Variants in MEGF11 observed in about 807,000 individuals in gnomAD.
The protein encoded by MEGF11 is multiple epidermal growth factor-like domains protein 11.
MEGF11 carries 126 observed loss-of-function variants against 146.6 expected under a neutral mutation model. That is an observed-to-expected ratio of 0.86 (90% CI 0.74 to 1.00). MEGF11 has a LOEUF of 1.00. MEGF11 is among the 50% of genes least tolerant of loss of function. The pLI is 0.00. For synonymous variants in MEGF11, 532 were observed against 583.4 expected (o/e 0.91, Z 1.27); for missense variants, 1,509 against 1,521.2 (o/e 0.99, Z 0.13).
At chr15:65,965,735 T>C (rs2141574656) in intron 8 of MEGF11, among the ~76,000 whole-genome samples, 2 of 151,584 alleles carry the variant, frequency 1.3e-5, no homozygotes. Flanking sequence ...CCCTTGATCT[T>C]GAACTTCTCA....
intron 1 of MEGF11, among the ~76,000 whole-genome samples, chr15:66,248,895 C>G (rs1316837891): frequency 6.6e-6 from 1 of 152,206 alleles, no homozygotes; most frequent in Non-Finnish European, 1.5e-5. Context: ...GCTATAAAAA[C>G]ATGGATTTTT....
chr15:66,062,175 C>G (rs1567223428), intron 5 of MEGF11, among the ~76,000 whole-genome samples: 1 of 152,222 alleles, frequency 6.6e-6, no homozygotes, highest in Non-Finnish European at 1.5e-5. Context: ...TTTCCAGGCA[C>G]AGAGAGCAGC....
chr15:65,969,157 A>G (rs1014832737), intron 8 of MEGF11, among the ~76,000 whole-genome samples: 2 of 152,196 alleles, frequency 1.3e-5, no homozygotes, highest in African/African-American at 4.8e-5. Flanking sequence ...GCACATCTCG[A>G]CAGGGAAAAT....
At chr15:65,907,286 GCTATTTTT>G (rs2078657981) in intron 23 of MEGF11, among the ~76,000 whole-genome samples, 4 of 151,328 alleles carry the variant, frequency 2.6e-5, no homozygotes, top group Admixed American at 2.6e-4. Flanking sequence ...TTTTAAGTTT[GCTATTTTT>G]CTTTTTTTCT....
chr15:65,954,544 C>G (rs977663154), intron 10 of MEGF11, among the ~76,000 whole-genome samples: 1 of 152,114 alleles, frequency 6.6e-6, no homozygotes, highest in Non-Finnish European at 1.5e-5. Context: ...CCAGGAATAA[C>G]GAGGCTGGGT....
intron 7 of MEGF11, chr15:65,970,900 G>T: frequency 3.4e-6 from 2 of 594,412 alleles, no homozygotes; most frequent in South Asian, 4.0e-5. Context: ...CACAATTTAG[G>T]AACTGCCTAT....
At chr15:66,133,195 C>A (rs945255084) in intron 1 of MEGF11, among the ~76,000 whole-genome samples, 3 of 151,464 alleles carry the variant, frequency 2.0e-5, no homozygotes, top group Non-Finnish European at 4.4e-5. Flanking sequence ...CCAGGACATC[C>A]TGAGAGCAAT....
At chr15:65,954,231 G>A (rs958829421) in intron 10 of MEGF11, among the ~76,000 whole-genome samples, 12 of 152,142 alleles carry the variant, frequency 7.9e-5, no homozygotes, top group African/African-American at 2.2e-4. Context: ...GGATAAAGGC[G>A]CGTACATACA....
chr15:65,920,134 T>C (rs1567157420), intron 15 of MEGF11, among the ~76,000 whole-genome samples: 1 of 152,268 alleles, frequency 6.6e-6, no homozygotes, highest in South Asian at 2.1e-4. Context: ...TACTGCTTGC[T>C]GGCTAAGTGC....
intron 1 of MEGF11, among the ~76,000 whole-genome samples, chr15:66,251,059 G>C (rs1002486402): frequency 6.6e-6 from 1 of 152,174 alleles, no homozygotes; most frequent in Non-Finnish European, 1.5e-5. Context: ...CTTGCCGGCC[G>C]ATTGCTCACC....
At position 66,138,887 on chromosome 15, in the gene MEGF11, A is replaced by C. The variant is rs550727277; in HGVS notation, c.-8-10476T>G. 5.9e-5 allele frequency among the ~76,000 whole-genome samples: 9 copies of C among 152,328 alleles called. No homozygotes were observed. The East Asian group carries it at 1.2e-3, about 20-fold the overall frequency. ...TGTCCTCTCTGATGGGGCGTATGGG[A>C]TGCAGTACAGATACTACTGGGGGTG... On this transcript the variant is annotated intron_variant, in intron 1 of 25. Coordinates refer to ENST00000395614, the MANE Select transcript of MEGF11 (RefSeq NM_001385028.1).
intron 5 of MEGF11, among the ~76,000 whole-genome samples, chr15:66,048,538 C>T (rs1381747033): frequency 2.6e-5 from 4 of 152,366 alleles, no homozygotes; most frequent in Non-Finnish European, 5.9e-5. Context: ...GACTCCCTGC[C>T]CACAAAACAC....
chr15:66,056,725 A>G (rs1180826252), intron 5 of MEGF11, among the ~76,000 whole-genome samples: 3 of 152,228 alleles, frequency 2.0e-5, no homozygotes, highest in Non-Finnish European at 4.4e-5. Flanking sequence ...TCTAGCCCTT[A>G]GGAGGCTGGA....
At chr15:65,949,509 C>T (rs2080315748) in intron 10 of MEGF11, among the ~76,000 whole-genome samples, 1 of 152,264 alleles carries the variant, frequency 6.6e-6, no homozygotes, top group Non-Finnish European at 1.5e-5. Flanking sequence ...ATAGATGAGC[C>T]CTTTAAGGTA....
At chr15:66,124,083 C>T (rs1220156520) in intron 2 of MEGF11, 83 bp from the exon 3 acceptor site, 8 of 1,117,540 alleles carry the variant, frequency 7.2e-6, no homozygotes, top group Non-Finnish European at 1.1e-5. Flanking sequence ...GAGCCCACAG[C>T]CCTGAGGCCA....
chr15:65,943,056 G>A (rs906529986), intron 10 of MEGF11, among the ~76,000 whole-genome samples: 5 of 134,350 alleles, frequency 3.7e-5, no homozygotes, highest in African/African-American at 5.7e-5. Context: ...GCACAATCTC[G>A]GCTCACTGCA....
At chr15:66,188,724 C>T (rs1357582815) in intron 1 of MEGF11, among the ~76,000 whole-genome samples, 1 of 152,232 alleles carries the variant, frequency 6.6e-6, no homozygotes, top group African/African-American at 2.4e-5. Flanking sequence ...CTTGTCTACC[C>T]AGTGAGCCTA....
chr15:66,087,253 C>G (rs1012106474), intron 5 of MEGF11, among the ~76,000 whole-genome samples: 4 of 152,150 alleles, frequency 2.6e-5, no homozygotes, highest in Non-Finnish European at 4.4e-5. Context: ...ACTGACAGCA[C>G]TAGACAGGTC....
At chr15:66,100,123 T>C (rs1531494) in intron 4 of MEGF11, among the ~76,000 whole-genome samples, 149,360 of 152,320 alleles carry the variant, frequency 0.98, 73,305 homozygotes, top group East Asian at 1. Flanking sequence ...CCTGCCCCCG[T>C]GCACGCTCTG....
Sources: allele counts gnomAD v4.1 joint callset (sites outside exome capture counted in the v4.1 genomes callset), GRCh38; gene constraint gnomAD v4.1.1; transcripts MANE v1.5; gene names NCBI Gene and HGNC (gene_info 2026-07-23, HGNC 2026-07-21).